RPS6KA5: variants seen among roughly 807,000 people sequenced by gnomAD.
RPS6KA5 encodes ribosomal protein S6 kinase alpha-5.
A neutral mutation model predicts 85.5 loss-of-function variants in RPS6KA5; 27 were observed. The observed-to-expected ratio is 0.32, with a 90% confidence interval of 0.23 to 0.44. RPS6KA5 has a LOEUF of 0.44. RPS6KA5 is among the 20% of genes least tolerant of loss of function. The pLI, the probability that RPS6KA5 is intolerant of heterozygous loss-of-function variation, is 1.00. For missense variants in RPS6KA5, 811 were observed against 980.9 expected (o/e 0.83, Z 2.31); for synonymous variants, 334 against 348.2 (o/e 0.96, Z 0.46).
intron 5 of RPS6KA5, among the ~76,000 whole-genome samples, chr14:90,932,250 A>G (rs539741614): frequency 6.6e-6 from 1 of 152,190 alleles, no homozygotes; most frequent in African/African-American, 2.4e-5. Flanking sequence ...CAGCCTCCCA[A>G]GTAGCTAGGA....
chr14:90,971,108 G>A (rs910936991), intron 3 of RPS6KA5, among the ~76,000 whole-genome samples: 10 of 152,080 alleles, frequency 6.6e-5, no homozygotes, highest in African/African-American at 2.4e-4. Flanking sequence ...ACCGATGCCA[G>A]GAGTTCAAGA....
At chr14:90,905,008 A>G (rs1245049285) in intron 8 of RPS6KA5, among the ~76,000 whole-genome samples, 1 of 152,210 alleles carries the variant, frequency 6.6e-6, no homozygotes, top group Admixed American at 6.5e-5. Context: ...AAGTTTGTTC[A>G]AAGAGTAATC....
In RPS6KA5 at chr14:90,850,477, A is replaced by AAAC. The variant is rs2031945157; in HGVS notation, c.*21596_*21597insGTT. ...GGGAAACCATACAAAAAAAAAAAAA[A>AAAC]AAAACAGAAAATATTACATAACCAG... On this transcript the variant is annotated 3_prime_UTR_variant, in exon 17 of 17. Transcript: ENST00000614987. The AAAC allele has an allele frequency of 6.6e-6, 1 of 152,066 alleles. No individual in the cohort carries two copies. The highest frequency in any genetic ancestry group is 1.5e-5 in the Non-Finnish European group (1 of 68,000). The allele number at this position is 152,066 out of a possible 1,614,324, so 9.4% of individuals were successfully genotyped here. A position where few individuals can be genotyped will look rare whatever the true frequency, so the allele number is the denominator to read the frequency against.
intron 5 of RPS6KA5, among the ~76,000 whole-genome samples, chr14:90,924,761 G>C (rs753479188): frequency 5.9e-5 from 9 of 152,200 alleles, no homozygotes; most frequent in Non-Finnish European, 2.9e-5. Flanking sequence ...AGGCTTCATT[G>C]CTCCTTAGAG....
In RPS6KA5 at chr14:91,001,238, C is replaced by T. The variant is rs74086820; in HGVS notation, c.104-79G>A. On this transcript the variant is annotated intron_variant, in intron 1 of 16. Coordinates refer to ENST00000614987, the MANE Select transcript of RPS6KA5 (RefSeq NM_004755.4). Reference sequence around the variant, plus strand: ...CTCCTGGGGGATTCTTGTGTACCAGCGACGCTCTATTTCTTGACTTGAGTG... The same window carrying T: ...CTCCTGGGGGATTCTTGTGTACCAGTGACGCTCTATTTCTTGACTTGAGTG... 1,830 of 822,378 alleles carry T rather than the reference C, an allele frequency of 2.2e-3. 16 individuals are homozygous for T. The African/African-American group carries it at 0.027, about 12-fold the overall frequency. The allele number at this position is 822,378 out of a possible 1,614,324, so 50.9% of individuals were successfully genotyped here. A position where few individuals can be genotyped will look rare whatever the true frequency, so the allele number is the denominator to read the frequency against.
intron 1 of RPS6KA5, among the ~76,000 whole-genome samples, chr14:91,040,293 A>C (rs2042555591): frequency 6.6e-6 from 1 of 152,206 alleles, no homozygotes; most frequent in Admixed American, 6.5e-5. Flanking sequence ...CTGTAATCCC[A>C]GCTACTTGGG....
At chr14:90,968,053 C>A (rs1020309476) in intron 3 of RPS6KA5, among the ~76,000 whole-genome samples, 2 of 152,154 alleles carry the variant, frequency 1.3e-5, no homozygotes, top group Non-Finnish European at 2.9e-5. Context: ...TTTGTACACT[C>A]GAAGTCTGAC....
chr14:91,044,285 G>GAGAGAGAGAA (rs1221795466), intron 1 of RPS6KA5, among the ~76,000 whole-genome samples: 7 of 135,402 alleles, frequency 5.2e-5, no homozygotes, highest in Admixed American at 3.7e-4. Context: ...AAGAAAGAGA[G>GAGAGAGAGAA]AGAGAGAGAA....
Position 90,900,103 on chromosome 14 carries a change from C to A in RPS6KA5, c.1379+5G>T. 3 of 1,588,436 alleles carry A rather than the reference C, an allele frequency of 1.9e-6. No homozygotes were observed. In the South Asian group the frequency reaches 3.5e-5, roughly 19 times the overall value. On this transcript the variant is annotated splice_donor_5th_base_variant and intron_variant, in intron 11 of 16. Coordinates refer to ENST00000614987, the MANE Select transcript of RPS6KA5 (RefSeq NM_004755.4). ...GAAAGAATATTATATTAAAAATGGT[C>A]ATACCTTTTGCTGATTATTTTGACT...
intron 7 of RPS6KA5, among the ~76,000 whole-genome samples, chr14:90,910,687 T>TA (rs202178453): frequency 3.6e-3 from 482 of 134,916 alleles, no homozygotes; most frequent in African/African-American, 9.9e-3. Flanking sequence ...TTATTATTAT[T>TA]TTTTTTTTTT....
At chr14:90,949,170 T>G (rs937343872) in intron 3 of RPS6KA5, among the ~76,000 whole-genome samples, 4 of 152,194 alleles carry the variant, frequency 2.6e-5, no homozygotes, top group African/African-American at 9.7e-5. Flanking sequence ...CTACCTTATT[T>G]TACTTAAAAA....
At chr14:90,890,133 A>G (rs1048440531) in intron 14 of RPS6KA5, among the ~76,000 whole-genome samples, 6 of 152,334 alleles carry the variant, frequency 3.9e-5, no homozygotes, top group South Asian at 4.1e-4. Context: ...GAAACTTCAC[A>G]GAAGTTTTTT....
chr14:90,867,063 T>C lies in RPS6KA5; in HGVS notation c.*5011A>G, dbSNP rs924907129. 1.2e-4 allele frequency: 19 copies of C among 152,182 alleles called. No individual in the cohort carries two copies. Among genetic ancestry groups the C allele is most frequent in the Admixed American group, 1.1e-3 (17 of 15,272 alleles). 9.4% of individuals were successfully genotyped at this position (152,182 alleles called of 1,614,324 possible). A position where few individuals can be genotyped will look rare whatever the true frequency, so the allele number is the denominator to read the frequency against. ...CATTTCACATGACCAGCCTCTTATG[T>C]AGTTAAAAATAAAACTGCAGTTTTA... On this transcript the variant is annotated 3_prime_UTR_variant, in exon 17 of 17. Coordinates refer to ENST00000614987, the MANE Select transcript of RPS6KA5 (RefSeq NM_004755.4).
intron 2 of RPS6KA5, among the ~76,000 whole-genome samples, chr14:90,980,772 T>C (rs917893128): frequency 6.6e-6 from 1 of 152,212 alleles, no homozygotes; most frequent in Non-Finnish European, 1.5e-5. Context: ...GAAGTCACAA[T>C]GCAAGTTAGG....
chr14:90,899,236 T>A, intron 12 of RPS6KA5, 93 bp downstream of exon 12: 1 of 849,822 alleles, frequency 1.2e-6, no homozygotes, highest in Admixed American at 2.4e-5. Context: ...TATCCCTGAC[T>A]CTGACCCAGC....
rs1272049034 is a variant in RPS6KA5 at position 90,857,296 on chromosome 14, A to G, written c.*14778T>C. The G allele has an allele frequency of 6.6e-6, 1 of 152,240 alleles. No individual in the cohort carries two copies. Among genetic ancestry groups the G allele is most frequent in the Non-Finnish European group, 1.5e-5 (1 of 68,032 alleles). 9.4% of individuals were successfully genotyped at this position (152,240 alleles called of 1,614,324 possible). ...ATATTTTTATCTTGGTAACACTGAA[A>G]TTTATGCTATTCTGGAAGACAAAGA... On this transcript the variant is annotated 3_prime_UTR_variant, in exon 17 of 17. Coordinates refer to ENST00000614987, the MANE Select transcript of RPS6KA5 (RefSeq NM_004755.4).
At chr14:90,940,992 G>A (rs1469805148) in intron 5 of RPS6KA5, among the ~76,000 whole-genome samples, 1 of 152,142 alleles carries the variant, frequency 6.6e-6, no homozygotes, top group Non-Finnish European at 1.5e-5. Context: ...TGCCAAAAAA[G>A]TTGGGGACTG....
At chr14:90,887,032 G>T (rs2034271879) in intron 14 of RPS6KA5, among the ~76,000 whole-genome samples, 1 of 152,008 alleles carries the variant, frequency 6.6e-6, no homozygotes, top group Admixed American at 6.6e-5. Flanking sequence ...TAAATTTTGT[G>T]CTTGTTATGG....
chr14:90,923,424 A>ACCT (rs1387221253), intron 5 of RPS6KA5, among the ~76,000 whole-genome samples: 1 of 140,864 alleles, frequency 7.1e-6, no homozygotes, highest in African/African-American at 3.2e-5. Flanking sequence ...ATGAAATGGT[A>ACCT]CCATCATCCA....
Sources: gnomAD v4.1 joint callset for allele counts (sites outside exome capture counted in the v4.1 genomes callset) on GRCh38, gnomAD v4.1.1 for gene constraint, MANE v1.5 for transcripts, NCBI Gene and HGNC (gene_info 2026-07-23, HGNC 2026-07-21) for gene names.